Variants in DNAH17 observed in about 807,000 individuals in gnomAD.
DNAH17 encodes axonemal beta dynein heavy chain 17.
Under a neutral mutation model 485.6 loss-of-function variants are expected in DNAH17, and 376 were observed. The observed-to-expected ratio is 0.77, with a 90% CI of 0.71 to 0.84. DNAH17 has a LOEUF of 0.84. Among genes scored for constraint, DNAH17 ranks in the 40% least tolerant of loss-of-function variants. DNAH17 has a pLI of 0.00. For missense variants in DNAH17, 6,370 were observed against 5,839.3 expected (o/e 1.09, Z -2.96); for synonymous variants, 3,031 against 2,405.9 (o/e 1.26, Z -7.60).
chr17:78,449,084 T>C (rs1374005435), intron 69 of DNAH17, among the ~76,000 whole-genome samples: 1 of 152,204 alleles, frequency 6.6e-6, no homozygotes, highest in African/African-American at 2.4e-5. Context: ...CACCCCACAG[T>C]GGGCTAAGCA....
chr17:78,500,700 G>C, intron 35 of DNAH17: 1 of 316,756 alleles, frequency 3.2e-6, no homozygotes, highest in Non-Finnish European at 5.8e-6. Flanking sequence ...GTAGAGATGA[G>C]GTTTTGCTAT....
In DNAH17 at chr17:78,526,942, T is replaced by C. The variant is rs1325814820; in HGVS notation, c.3562A>G (p.Thr1188Ala). 6.3e-7 allele frequency: 1 copy of C among 1,589,012 alleles called. No individual in the cohort carries two copies. ...TCGTTGGCCTGGAGTGGTGCCACGG[T>C]CAGCTTCACCTGAATGGCCAGTTTC... is the stretch of plus-strand genomic sequence containing the variant. ...TKKLAIQVKL[T>A]VAPLQANEVS... The change falls in exon 23 of 81, where the codon ACC (threonine) becomes GCC (alanine). Residue 1188 changes from threonine to alanine, a missense_variant. Thr to Ala is a moderately conservative substitution (Grantham distance 58). Coordinates refer to ENST00000389840, the MANE Select transcript of DNAH17 (RefSeq NM_173628.4).
rs540177586 is a variant in DNAH17, at chr17:78,490,664, G to C, written c.6818+35C>G. On this transcript the variant is annotated intron_variant, in intron 44 of 80. Transcript: ENST00000389840. ...GCCAACAAGTTCGTTTTTCCCTGCC[G>C]AGGTTTGGAACAGGAAAGCCAAAGC... is the stretch of plus-strand genomic sequence containing the variant. 5.1e-6 allele frequency: 8 copies of C among 1,577,918 alleles called. No homozygotes were observed. In the Admixed American group the frequency reaches 9.0e-5, roughly 18 times the overall value.
intron 62 of DNAH17, among the ~76,000 whole-genome samples, chr17:78,456,694 G>A (rs2087818224): frequency 1.3e-5 from 2 of 152,226 alleles, no homozygotes; most frequent in South Asian, 2.1e-4. Flanking sequence ...GCAAGTCCAG[G>A]TTGCCTGTTA....
At chr17:78,428,320 C>T (rs1481021894) in intron 77 of DNAH17, 1 of 650,546 alleles carries the variant, frequency 1.5e-6, no homozygotes, top group Non-Finnish European at 2.8e-6. Context: ...CGTACGCTCA[C>T]CCGAAGCCTG....
At chr17:78,457,682 G>C (rs1007419650) in intron 62 of DNAH17, among the ~76,000 whole-genome samples, 1 of 57,408 alleles carries the variant, frequency 1.7e-5, no homozygotes, top group Non-Finnish European at 3.3e-5. Context: ...TTTTTTTTTA[G>C]ACAGTTTTAC....
chr17:78,462,743 AG>A, intron 57 of DNAH17, 100 bp downstream of exon 57: 1 of 1,145,342 alleles, frequency 8.7e-7, no homozygotes. Flanking sequence ...GGCAGTGCTG[AG>A]CCCCAGTGTG....
chr17:78,450,958 G>T, intron 66 of DNAH17, 112 bp from the exon 67 acceptor site: 1 of 1,374,260 alleles, frequency 7.3e-7, no homozygotes, highest in Non-Finnish European at 1.0e-6. Context: ...TGAGCGGGAG[G>T]AACGAGCTCA....
intron 16 of DNAH17, 50 bp downstream of exon 16, chr17:78,551,474 TTGCCCCAGGGC>T: frequency 6.6e-7 from 1 of 1,515,308 alleles, no homozygotes; most frequent in Non-Finnish European, 9.1e-7. Flanking sequence ...GTAGCCTGGT[TTGCCCCAGGGC>T]AGCCCCAGGC....
chr17:78,491,447 T>C lies in DNAH17; in HGVS notation c.6665A>G (p.Asn2222Ser). The C allele has an allele frequency of 1.2e-6, 2 of 1,612,860 alleles. No homozygotes were observed. Among genetic ancestry groups the C allele is most frequent in the Non-Finnish European group, 8.5e-7 (1 of 1,179,490 alleles). ...TAGAGTCCAGGGCCCGCGAACCTTG[T>C]TGTCATCCATGACTGTGTTGAGAGA... ...IESLNTVMDD[N>S]KVLTLASNER... Residue 2222 changes from asparagine to serine, a missense_variant, in exon 43 of 81, where the codon AAC (asparagine) becomes AGC (serine). Physicochemically the swap from Asn to Ser is conservative, Grantham distance 46 (BLOSUM62 1). Coordinates refer to ENST00000389840, the MANE Select transcript of DNAH17 (RefSeq NM_173628.4).
At chr17:78,571,511 G>A (rs918517633) in intron 4 of DNAH17, 79 bp downstream of exon 4, 3 of 1,541,872 alleles carry the variant, frequency 1.9e-6, no homozygotes, top group African/African-American at 2.7e-5. Flanking sequence ...CTGGGAGGTT[G>A]GCACTGGGAG....
chr17:78,543,579 C>A (rs372479550), intron 17 of DNAH17, among the ~76,000 whole-genome samples: 8 of 152,054 alleles, frequency 5.3e-5, no homozygotes, highest in Non-Finnish European at 8.8e-5. Context: ...CGTGAGCCAC[C>A]GCGCCCGGCC....
At chr17:78,485,420 G>T in intron 47 of DNAH17, 130 bp downstream of exon 47, 1 of 888,776 alleles carries the variant, frequency 1.1e-6, no homozygotes, top group Non-Finnish European at 1.7e-6. Context: ...AGGCCAGCGG[G>T]TGGGGCATGG....
rs2092344316 is a variant in DNAH17 at position 78,570,872 on chromosome 17, A to AAAAAAG, written c.918+75_918+76insCTTTTT. ...ACTCCCTCTCAAAAAAAAAAAAAAA[A>AAAAAAG]AAAAAAGAAAAAAGAAAAGAAAAGA... On this transcript the variant is annotated intron_variant, in intron 6 of 80. Transcript: ENST00000389840. 3 of 794,278 alleles carry AAAAAAG rather than the reference A, an allele frequency of 3.8e-6. No homozygotes were observed. The African/African-American group carries it at 6.2e-5, about 16-fold the overall frequency. 49.2% of individuals were successfully genotyped at this position (794,278 alleles called of 1,614,324 possible).
chr17:78,532,446 G>C, intron 20 of DNAH17, 36 bp downstream of exon 20: 1 of 1,577,128 alleles, frequency 6.3e-7, no homozygotes, highest in East Asian at 2.2e-5. Flanking sequence ...GAAGACTCTG[G>C]AGACAAGGAG....
intron 9 of DNAH17, 130 bp from the exon 10 acceptor site, chr17:78,567,296 G>GTGTCCTCCCACCCCCAT: frequency 2.3e-6 from 2 of 872,454 alleles, no homozygotes; most frequent in Non-Finnish European, 3.5e-6. Flanking sequence ...CCAACCATGG[G>GTGTCCTCCCACCCCCAT]GGTGGGAGGA....
chr17:78,508,793 T>A (rs950732329), intron 27 of DNAH17, among the ~76,000 whole-genome samples: 3 of 152,056 alleles, frequency 2.0e-5, no homozygotes, highest in African/African-American at 7.2e-5. Context: ...TTCTATTTTT[T>A]ATTTTTATTT....
At chr17:78,514,707 C>A in intron 26 of DNAH17, 67 bp downstream of exon 26, 2 of 1,558,516 alleles carry the variant, frequency 1.3e-6, no homozygotes, top group African/African-American at 1.4e-5. Context: ...GCAGCTCAGG[C>A]CAGCCCATCC....
At position 78,428,254 on chromosome 17, in the gene DNAH17, G is replaced by A. The variant is rs1439461265; in HGVS notation, c.12588+271C>T. On this transcript the variant is annotated intron_variant, in intron 77 of 80. Transcript: ENST00000389840. Reference sequence around the variant, plus strand: ...AAGCTGGAAGACTGCAGGGTGGAGGGCTGGGATGCTCTTGGAGCCGCATCC... The same window carrying A: ...AAGCTGGAAGACTGCAGGGTGGAGGACTGGGATGCTCTTGGAGCCGCATCC... 3 of 501,084 alleles carry A rather than the reference G, an allele frequency of 6.0e-6. No individual in the cohort carries two copies. In the Admixed American group the frequency reaches 9.6e-5, roughly 16 times the overall value. The allele number at this position is 501,084 out of a possible 1,614,324, so 31.0% of individuals were successfully genotyped here.
Sources: allele counts gnomAD v4.1 joint callset (sites outside exome capture counted in the v4.1 genomes callset), GRCh38; gene constraint gnomAD v4.1.1; transcripts MANE v1.5; gene names NCBI Gene and HGNC (gene_info 2026-07-23, HGNC 2026-07-21).